The following TMEM266 variants were observed in gnomAD, a reference collection of about 807,000 sequenced individuals.
TMEM266 encodes the protein transmembrane protein 266.
Under a neutral mutation model 50.5 loss-of-function variants are expected in TMEM266, and 33 were observed. The ratio of observed to expected loss-of-function variants is 0.65; its 90% CI spans 0.50 to 0.87. The LOEUF is 0.87. Among genes scored for constraint, TMEM266 ranks in the 40% least tolerant of loss-of-function variants. The pLI is 0.00. For missense variants in TMEM266, 655 were observed against 695.1 expected (o/e 0.94, Z 0.65); for synonymous variants, 310 against 292.3 (o/e 1.06, Z -0.62).
chr15:76,146,936 C>T (rs1475179412), intron 3 of TMEM266, among the ~76,000 whole-genome samples: 2 of 152,236 alleles, frequency 1.3e-5, no homozygotes, highest in Non-Finnish European at 2.9e-5. Context: ...GGGGCTTCCT[C>T]ACGGCAGGGA....
chr15:76,159,546 G>T (rs2037982930), intron 4 of TMEM266, among the ~76,000 whole-genome samples: 1 of 152,134 alleles, frequency 6.6e-6, no homozygotes, highest in Non-Finnish European at 1.5e-5. Flanking sequence ...TCCCCTGCCA[G>T]TCCTCACTGC....
chr15:76,086,714 T>C (rs565649702), intron 1 of TMEM266, among the ~76,000 whole-genome samples: 52 of 152,290 alleles, frequency 3.4e-4, no homozygotes, highest in African/African-American at 1.1e-3. Context: ...GGGAGGGGAC[T>C]AATCAGAGGC....
intron 1 of TMEM266, chr15:76,109,032 G>A (rs1282439645): frequency 1.3e-5 from 2 of 152,156 alleles, no homozygotes; most frequent in Non-Finnish European, 2.9e-5. Context: ...TCCCACCCGA[G>A]AGGCCACATG....
At chr15:76,180,248 G>A (rs1461712944) in intron 8 of TMEM266, among the ~76,000 whole-genome samples, 1 of 152,092 alleles carries the variant, frequency 6.6e-6, no homozygotes, top group Non-Finnish European at 1.5e-5. Context: ...TATTTAATCT[G>A]TTATGTCCTC....
chr15:76,171,027 C>G lies in TMEM266; in HGVS notation c.548C>G (p.Ala183Gly). Residue 183 changes from alanine (A) to glycine (G), a missense_variant, in exon 7 of 11, where the codon GCT (alanine) becomes GGT (glycine). By Grantham distance (60) the Ala-to-Gly change is moderately conservative (BLOSUM62 0). Transcript: ENST00000388942. ...SLAPMVASTV[A>G]NGPRSPWDAI... is the part of the protein sequence containing the mutation. ...GGGGCTGTGATCATCCTATCTTTGGCTCCGATGGTGGCATCCACTGTGGCC... is the reference window on the plus strand; with the variant it reads ...GGGGCTGTGATCATCCTATCTTTGGGTCCGATGGTGGCATCCACTGTGGCC... The G allele has an allele frequency of 6.2e-7, 1 of 1,612,986 alleles. No individual in the cohort carries two copies. Among genetic ancestry groups the G allele is most frequent in the Non-Finnish European group, 8.5e-7 (1 of 1,179,584 alleles).
rs116205662 is a variant in TMEM266, at chr15:76,086,769, G to A, written c.-97+26753G>A. ...TATACCCTATGCAAACGTCTGATTC[G>A]TTGCAGAAAGCAACCAATCAGAGGC... On this transcript the variant is annotated intron_variant, in intron 1 of 10. Coordinates refer to ENST00000388942, the MANE Select transcript of TMEM266 (RefSeq NM_152335.3). Among the ~76,000 whole-genome samples the A allele has an allele frequency of 4.2e-3, 632 of 152,254 alleles. 5 individuals are homozygous for A. The highest frequency in any genetic ancestry group is 0.014 in the African/African-American group (588 of 41,556).
chr15:76,110,337 A>G (rs978623038), intron 1 of TMEM266, among the ~76,000 whole-genome samples: 1 of 152,014 alleles, frequency 6.6e-6, no homozygotes, highest in Non-Finnish European at 1.5e-5. Context: ...AGCTTGTCCA[A>G]CCCATGGCCC....
At chr15:76,085,001 C>T (rs959308583) in intron 1 of TMEM266, among the ~76,000 whole-genome samples, 1 of 151,326 alleles carries the variant, frequency 6.6e-6, no homozygotes, top group Non-Finnish European at 1.5e-5. Flanking sequence ...ACTCTGTTGC[C>T]CAGGCTAGAG....
chr15:76,176,881 G>A (rs1306929526), intron 8 of TMEM266, among the ~76,000 whole-genome samples: 5 of 152,140 alleles, frequency 3.3e-5, no homozygotes, highest in South Asian at 2.1e-4. Flanking sequence ...GTGTCTGCCC[G>A]TCCTATCGAC....
intron 1 of TMEM266, among the ~76,000 whole-genome samples, chr15:76,086,487 G>A (rs923156250): frequency 3.9e-5 from 6 of 152,156 alleles, no homozygotes; most frequent in Non-Finnish European, 7.4e-5. Context: ...TGGACAAAAT[G>A]CACAAACAAA....
chr15:76,180,607 C>CTTTTTTT (rs59287886), intron 8 of TMEM266, among the ~76,000 whole-genome samples: 16 of 63,164 alleles, frequency 2.5e-4, no homozygotes, highest in Non-Finnish European at 2.9e-4. Flanking sequence ...TCATCTTAAG[C>CTTTTTTT]TTTTTTTTTT....
In TMEM266 at chr15:76,204,425, C is replaced by T. The variant is rs1173738796; in HGVS notation, c.*110C>T. 4.6e-6 allele frequency: 5 copies of T among 1,084,946 alleles called. No individual in the cohort carries two copies. Among genetic ancestry groups the T allele is most frequent in the Non-Finnish European group, 5.2e-6 (4 of 762,990 alleles). 67.2% of individuals were successfully genotyped at this position (1,084,946 alleles called of 1,614,324 possible). On this transcript the variant is annotated 3_prime_UTR_variant, in exon 11 of 11. Transcript: ENST00000388942. ...CGGGGCCCAGGAGCCCACCTGGCCT[C>T]CCTCAGGGTGCTGCCTGCCTCCAGG... is the stretch of plus-strand genomic sequence containing the variant.
At chr15:76,089,673 C>T (rs575264713) in intron 1 of TMEM266, among the ~76,000 whole-genome samples, 75 of 152,154 alleles carry the variant, frequency 4.9e-4, no homozygotes, top group Non-Finnish European at 9.6e-4. Context: ...TATGGTCGTG[C>T]GTTTTTTGTT....
intron 1 of TMEM266, among the ~76,000 whole-genome samples, chr15:76,082,337 A>G (rs1366792435): frequency 1.3e-5 from 2 of 152,214 alleles, no homozygotes; most frequent in Admixed American, 1.3e-4. Context: ...TGACACTGGT[A>G]TCTGCTTGGC....
chr15:76,073,864 A>T (rs1259726793), intron 1 of TMEM266, among the ~76,000 whole-genome samples: 1 of 152,206 alleles, frequency 6.6e-6, no homozygotes, highest in Non-Finnish European at 1.5e-5. Flanking sequence ...CTGAGTCTGC[A>T]TTTGAAAACC....
chr15:76,124,308 A>C (rs2037387040), intron 1 of TMEM266, among the ~76,000 whole-genome samples: 1 of 152,240 alleles, frequency 6.6e-6, no homozygotes, highest in Non-Finnish European at 1.5e-5. Context: ...TCTATCACAC[A>C]CAAGACAGGG....
chr15:76,162,459 C>T (rs1473706583), intron 5 of TMEM266, among the ~76,000 whole-genome samples: 1 of 152,222 alleles, frequency 6.6e-6, no homozygotes, highest in African/African-American at 2.4e-5. Flanking sequence ...AGCTTGGAAA[C>T]ATGCGACCAT....
intron 10 of TMEM266, among the ~76,000 whole-genome samples, chr15:76,203,230 CCCTGCCCTGGCACACCAAGTTT>C (rs2038778870): frequency 6.6e-6 from 1 of 151,028 alleles, no homozygotes; most frequent in South Asian, 2.1e-4. Flanking sequence ...AACCCAAGTT[CCCTGCCCTGGCACACCAAGTTT>C]CCTGAGTTAG....
intron 3 of TMEM266, among the ~76,000 whole-genome samples, chr15:76,138,416 CT>C (rs1445527281): frequency 1.3e-4 from 20 of 152,194 alleles, no homozygotes. Context: ...GCCAGACGAC[CT>C]CTTAGGAGAA....
Sources: gnomAD v4.1 joint callset for allele counts (sites outside exome capture counted in the v4.1 genomes callset) on GRCh38, gnomAD v4.1.1 for gene constraint, MANE v1.5 for transcripts, NCBI Gene and HGNC (gene_info 2026-07-23, HGNC 2026-07-21) for gene names.